The following BRINP3 variants were observed in gnomAD, a reference collection of about 807,000 sequenced individuals.
BRINP3 encodes BMP/retinoic acid inducible neural specific 3.
Under a neutral mutation model 71.0 loss-of-function variants are expected in BRINP3, and 19 were observed. The observed-to-expected ratio is 0.27, with a 90% CI of 0.19 to 0.39. BRINP3 has a LOEUF of 0.39. Ranked by LOEUF, BRINP3 falls within the 10% of genes least tolerant of loss-of-function variation. The probability of loss-of-function intolerance (pLI) is 1.00; values close to 1 mark genes in which losing one functional copy is unlikely to be tolerated. For missense variants in BRINP3, 959 were observed against 940.8 expected (o/e 1.02, Z -0.25); for synonymous variants, 380 against 337.7 (o/e 1.13, Z -1.37).
intron 2 of BRINP3, among the ~76,000 whole-genome samples, chr1:190,417,627 T>C (rs558607098): frequency 6.6e-6 from 1 of 152,268 alleles, no homozygotes; most frequent in Admixed American, 6.5e-5. Context: ...GTAGCATATG[T>C]TTTTAATGCT....
At chr1:190,343,730 CG>C (rs559844271) in intron 2 of BRINP3, among the ~76,000 whole-genome samples, 315 of 151,274 alleles carry the variant, frequency 2.1e-3, no homozygotes, top group Admixed American at 5.4e-3. Flanking sequence ...ATCAATAAAC[CG>C]ACTCTGTATG....
chr1:190,201,632 G>C (rs1308163097), intron 6 of BRINP3, among the ~76,000 whole-genome samples: 3 of 152,172 alleles, frequency 2.0e-5, no homozygotes, highest in African/African-American at 7.2e-5. Context: ...CCATGGGCTG[G>C]GCCCAAGGTC....
intron 3 of BRINP3, among the ~76,000 whole-genome samples, chr1:190,265,409 A>G (rs1644106991): frequency 6.6e-6 from 1 of 151,956 alleles, no homozygotes; most frequent in African/African-American, 2.4e-5. Flanking sequence ...ATGAAACTGT[A>G]TTTTACTCAG....
chr1:190,170,764 C>A (rs1651940789), intron 6 of BRINP3, among the ~76,000 whole-genome samples: 1 of 152,074 alleles, frequency 6.6e-6, no homozygotes, highest in African/African-American at 2.4e-5. Context: ...ACTTACTAGT[C>A]AAAATATCCT....
intron 5 of BRINP3, among the ~76,000 whole-genome samples, chr1:190,230,930 C>T (rs1356105995): frequency 6.6e-6 from 1 of 150,760 alleles, no homozygotes; most frequent in Non-Finnish European, 1.5e-5. Context: ...AAGTAAATAG[C>T]TTGAAATGTA....
intron 6 of BRINP3, among the ~76,000 whole-genome samples, chr1:190,223,427 T>C (rs1657060901): frequency 1.3e-5 from 2 of 151,932 alleles, no homozygotes; most frequent in Admixed American, 6.6e-5. Flanking sequence ...ATTATTTCAA[T>C]AGATGCCAAA....
chr1:190,146,708 T>C (rs1402990572), intron 7 of BRINP3, among the ~76,000 whole-genome samples: 1 of 152,136 alleles, frequency 6.6e-6, no homozygotes. Flanking sequence ...TCTGGAACAC[T>C]ATTTTATTTC....
intron 2 of BRINP3, among the ~76,000 whole-genome samples, chr1:190,412,574 T>C (rs1672759039): frequency 1.4e-5 from 2 of 147,800 alleles, no homozygotes. Flanking sequence ...GCCATTCTCC[T>C]GCCTCAGCCT....
At chr1:190,177,922 C>T (rs1261810127) in intron 6 of BRINP3, among the ~76,000 whole-genome samples, 2 of 152,026 alleles carry the variant, frequency 1.3e-5, no homozygotes, top group Non-Finnish European at 2.9e-5. Flanking sequence ...TTTTTCTTGT[C>T]ATTATTCCTA....
chr1:190,317,738 C>T (rs1665982198), intron 2 of BRINP3, among the ~76,000 whole-genome samples: 1 of 149,374 alleles, frequency 6.7e-6, no homozygotes, highest in East Asian at 2.0e-4. Flanking sequence ...GCTAGAACTC[C>T]CTGTTAATTA....
intron 3 of BRINP3, among the ~76,000 whole-genome samples, chr1:190,274,362 C>T (rs1662366821): frequency 6.6e-6 from 1 of 150,872 alleles, no homozygotes; most frequent in South Asian, 2.1e-4. Flanking sequence ...TTACATTCCG[C>T]CCAGAAAAAA....
intron 2 of BRINP3, among the ~76,000 whole-genome samples, chr1:190,355,334 A>T (rs2102073040): frequency 6.6e-6 from 1 of 151,992 alleles, no homozygotes; most frequent in South Asian, 2.1e-4. Context: ...TTTTACTTCC[A>T]AACTTGACAT....
chr1:190,138,130 T>G (rs1282904924), intron 7 of BRINP3, among the ~76,000 whole-genome samples: 3 of 152,086 alleles, frequency 2.0e-5, no homozygotes, highest in Non-Finnish European at 4.4e-5. Flanking sequence ...AATTTTGTAT[T>G]TTTAGTAAAG....
chr1:190,302,741 G>A (rs1308420060), intron 2 of BRINP3: 2 of 151,786 alleles, frequency 1.3e-5, no homozygotes, highest in African/African-American at 2.4e-5. Flanking sequence ...TGTGAAAATA[G>A]GCAGGAGTTA....
At chr1:190,301,208 T>TGTAC (rs1558160675) in intron 2 of BRINP3, among the ~76,000 whole-genome samples, 4 of 35,040 alleles carry the variant, frequency 1.1e-4, no homozygotes, top group African/African-American at 3.4e-4. Context: ...CACATACATA[T>TGTAC]ATATATATAT....
chr1:190,245,994 A>G (rs1659569805), intron 4 of BRINP3, among the ~76,000 whole-genome samples: 1 of 151,696 alleles, frequency 6.6e-6, no homozygotes. Context: ...TTCTTAATCC[A>G]GTTTATCATT....
chr1:190,323,854 G>A (rs1045568410), intron 2 of BRINP3, among the ~76,000 whole-genome samples: 3 of 151,814 alleles, frequency 2.0e-5, no homozygotes, highest in African/African-American at 4.8e-5. Context: ...GAGTGATAAA[G>A]TCTTAGTCTT....
chr1:190,265,039 T>C lies in BRINP3; in HGVS notation c.444A>G (p.Thr148=). Residue 148 remains threonine (T), a synonymous_variant, in exon 4 of 8, where the codon ACA becomes ACG. Transcript: ENST00000367462. ...SATLGGEESL[T]IFVDKRKLSK... is the part of the protein sequence containing the mutation. ...TCAACTTCCGCTTGTCCACAAAAAT[T>C]GTGAGTGACTCCTCTCCTGCATTAA... 1 of 1,607,080 alleles carries C rather than the reference T, an allele frequency of 6.2e-7. No individual in the cohort carries two copies. Among genetic ancestry groups the C allele is most frequent in the Non-Finnish European group, 8.5e-7 (1 of 1,177,664 alleles).
intron 2 of BRINP3, among the ~76,000 whole-genome samples, chr1:190,378,849 T>C (rs1050577878): frequency 6.6e-6 from 1 of 152,166 alleles, no homozygotes; most frequent in African/African-American, 2.4e-5. Flanking sequence ...GTGACACTAA[T>C]TGAGTGTGTG....
Sources: gnomAD v4.1 joint callset for allele counts (sites outside exome capture counted in the v4.1 genomes callset) on GRCh38, gnomAD v4.1.1 for gene constraint, MANE v1.5 for transcripts, NCBI Gene and HGNC (gene_info 2026-07-23, HGNC 2026-07-21) for gene names.